The following TIMM17A variants were observed in gnomAD, a reference collection of about 807,000 sequenced individuals.
TIMM17A encodes the protein mitochondrial import inner membrane translocase subunit Tim17-A.
In TIMM17A, 15 loss-of-function variants were observed where a neutral mutation model predicts 26.5. The ratio of observed to expected loss-of-function variants is 0.57; its 90% CI spans 0.38 to 0.87. The LOEUF is 0.87. Among genes scored for constraint, TIMM17A ranks in the 40% least tolerant of loss-of-function variants. The pLI is 0.00. For synonymous variants in TIMM17A, 80 were observed against 70.8 expected (o/e 1.13, Z -0.66); for missense variants, 201 against 210.0 (o/e 0.96, Z 0.27).
intron 1 of TIMM17A, 122 bp from the exon 2 acceptor site, chr1:201,957,159 T>A: frequency 4.7e-6 from 3 of 636,446 alleles, no homozygotes; most frequent in Non-Finnish European, 5.6e-6. Context: ...AGGCCAAATA[T>A]TTATTGGTTG....
chr1:201,956,219 C>G (rs1682406589), intron 1 of TIMM17A, among the ~76,000 whole-genome samples: 1 of 152,104 alleles, frequency 6.6e-6, no homozygotes, highest in Non-Finnish European at 1.5e-5. Flanking sequence ...TTACATCCAG[C>G]GTTTATTGAG....
chr1:201,969,395 T>C, intron 5 of TIMM17A, 74 bp from the exon 6 acceptor site: 1 of 1,190,356 alleles, frequency 8.4e-7, no homozygotes, highest in Non-Finnish European at 1.2e-6. Flanking sequence ...TGATTTACTC[T>C]CTATAGAGAT....
intron 5 of TIMM17A, among the ~76,000 whole-genome samples, chr1:201,967,082 G>A (rs1349380344): frequency 3.4e-5 from 5 of 149,110 alleles, no homozygotes; most frequent in African/African-American, 4.9e-5. Context: ...AAAAAAATAC[G>A]TAGAATAGTG....
intron 3 of TIMM17A, chr1:201,962,854 T>G (rs1022379872): frequency 6.6e-6 from 1 of 152,222 alleles, no homozygotes; most frequent in Non-Finnish European, 1.5e-5. Context: ...GGATTTCTTT[T>G]GTTTTCCCAT....
intron 5 of TIMM17A, among the ~76,000 whole-genome samples, chr1:201,965,847 A>T (rs1682615646): frequency 6.6e-6 from 1 of 152,256 alleles, no homozygotes; most frequent in Non-Finnish European, 1.5e-5. Flanking sequence ...TATAACAATC[A>T]TGATGGTCAA....
chr1:201,959,455 A>G (rs1470987043), intron 3 of TIMM17A, among the ~76,000 whole-genome samples: 1 of 152,022 alleles, frequency 6.6e-6, no homozygotes, highest in African/African-American at 2.4e-5. Context: ...GGAGTTTGAG[A>G]CCAGCCTGGC....
At position 201,970,425 on chromosome 1, in the gene TIMM17A, G is replaced by C. The variant is rs1382002613; in HGVS notation, c.*871G>C. 1 of 152,176 alleles carries C rather than the reference G, an allele frequency of 6.6e-6. No individual in the cohort carries two copies. The highest frequency in any genetic ancestry group is 2.4e-5 in the African/African-American group (1 of 41,458). 9.4% of individuals were successfully genotyped at this position (152,176 alleles called of 1,614,324 possible). A position where few individuals can be genotyped will look rare whatever the true frequency, so the allele number is the denominator to read the frequency against. On this transcript the variant is annotated 3_prime_UTR_variant, in exon 6 of 6. Coordinates refer to ENST00000367287, the MANE Select transcript of TIMM17A (RefSeq NM_006335.3). ...GAAAATGGATGAGCACTTCAGAACA[G>C]GTCATTTTCCTGATATTGGAAGTGA... is the stretch of plus-strand genomic sequence containing the variant.
chr1:201,961,620 G>A (rs1682533173), intron 3 of TIMM17A, among the ~76,000 whole-genome samples: 1 of 152,086 alleles, frequency 6.6e-6, no homozygotes, highest in African/African-American at 2.4e-5. Flanking sequence ...GGGAGGCCAA[G>A]GCAGGAGAAT....
rs375204630 is a variant in TIMM17A at position 201,957,267 on chromosome 1, C to G, written c.27-14C>G. The G allele has an allele frequency of 1.4e-6, 2 of 1,462,690 alleles. No individual in the cohort carries two copies. Among genetic ancestry groups the G allele is most frequent in the African/African-American group, 2.8e-5 (2 of 70,224 alleles). The allele number at this position is 1,462,690 out of a possible 1,614,324, so 90.6% of individuals were successfully genotyped here. A position where few individuals can be genotyped will look rare whatever the true frequency, so the allele number is the denominator to read the frequency against. On this transcript the variant is annotated splice_polypyrimidine_tract_variant and intron_variant, in intron 1 of 5. Coordinates refer to ENST00000367287, the MANE Select transcript of TIMM17A (RefSeq NM_006335.3). The stretch of plus-strand genomic sequence containing the variant: ...GAATGAGAAATATGGTCTTTTTTTT[C>G]CCCCTGTTCTTAGCCCATGGCGAAT...
In TIMM17A at chr1:201,969,717, G is replaced by C; in HGVS notation, c.*163G>C. 1.9e-6 allele frequency: 1 copy of C among 534,390 alleles called. No individual in the cohort carries two copies. The highest frequency in any genetic ancestry group is 3.3e-6 in the Non-Finnish European group (1 of 300,686). 33.1% of individuals were successfully genotyped at this position (534,390 alleles called of 1,614,324 possible). A position where few individuals can be genotyped will look rare whatever the true frequency, so the allele number is the denominator to read the frequency against. On this transcript the variant is annotated 3_prime_UTR_variant, in exon 6 of 6. Transcript: ENST00000367287. ...TTTTCTATTTAAAGGAACAAGCGGG[G>C]AAGGGTGCTAAAAGATAATACGTTT...
chr1:201,958,948 T>C (rs890396743), intron 3 of TIMM17A, among the ~76,000 whole-genome samples: 2 of 152,204 alleles, frequency 1.3e-5, no homozygotes, highest in Non-Finnish European at 1.5e-5. Flanking sequence ...TGTGTAAGAA[T>C]TATCTACCCT....
At chr1:201,960,669 G>A (rs1408991500) in intron 3 of TIMM17A, among the ~76,000 whole-genome samples, 1 of 152,078 alleles carries the variant, frequency 6.6e-6, no homozygotes, top group Non-Finnish European at 1.5e-5. Context: ...TATTAATTTG[G>A]TGAGCATTTG....
chr1:201,964,635 C>CTTTTTTTTTTTTATTTTTTTT, intron 4 of TIMM17A, among the ~76,000 whole-genome samples: 1 of 90,954 alleles, frequency 1.1e-5, no homozygotes, highest in Non-Finnish European at 2.0e-5. Context: ...TATTTTATTT[C>CTTTTTTTTTTTTATTTTTTTT]TTTTTTTTTT....
At position 201,970,442 on chromosome 1, in the gene TIMM17A, T is replaced by G. The variant is rs186057725; in HGVS notation, c.*888T>G. The G allele has an allele frequency of 6.6e-6, 1 of 152,302 alleles. No individual in the cohort carries two copies. The highest frequency in any genetic ancestry group is 1.9e-4 in the East Asian group (1 of 5,182). The allele number at this position is 152,302 out of a possible 1,614,324, so 9.4% of individuals were successfully genotyped here. ...TCAGAACAGGTCATTTTCCTGATAT[T>G]GGAAGTGACATGTGGCCCTATAGGA... On this transcript the variant is annotated 3_prime_UTR_variant, in exon 6 of 6. Coordinates refer to ENST00000367287, the MANE Select transcript of TIMM17A (RefSeq NM_006335.3).
chr1:201,967,460 A>G (rs1682654683), intron 5 of TIMM17A, among the ~76,000 whole-genome samples: 1 of 152,116 alleles, frequency 6.6e-6, no homozygotes, highest in Non-Finnish European at 1.5e-5. Context: ...ACATTGTCTC[A>G]TAGAAATTAG....
intron 3 of TIMM17A, 122 bp from the exon 4 acceptor site, chr1:201,963,494 T>C: frequency 1.1e-6 from 1 of 929,358 alleles, no homozygotes; most frequent in Non-Finnish European, 1.6e-6. Flanking sequence ...AACTTGTGTT[T>C]GCATGTATTT....
At chr1:201,967,752 T>A (rs1385912908) in intron 5 of TIMM17A, among the ~76,000 whole-genome samples, 1 of 151,544 alleles carries the variant, frequency 6.6e-6, no homozygotes, top group Non-Finnish European at 1.5e-5. Flanking sequence ...CCCAGGCTGA[T>A]CCTAAACTCC....
In TIMM17A at chr1:201,964,635, C is replaced by CTTTT. The variant is rs570309464; in HGVS notation, c.320-770_320-767dup. On this transcript the variant is annotated intron_variant, in intron 4 of 5. Coordinates refer to ENST00000367287, the MANE Select transcript of TIMM17A (RefSeq NM_006335.3). ...TTTATTTATTTATTTTATTTTATTT[C>CTTTT]TTTTTTTTTTTTTTTTTTTTTTTTT... Among the ~76,000 whole-genome samples, 277 of 90,882 alleles carry CTTTT rather than the reference C, an allele frequency of 3.0e-3. 24 individuals carry two copies. The highest frequency in any genetic ancestry group is 3.3e-3 in the Non-Finnish European group (169 of 50,872). The allele number at this position is 90,882 out of a possible 152,430, so 59.6% of individuals were successfully genotyped here. A position where few individuals can be genotyped will look rare whatever the true frequency, so the allele number is the denominator to read the frequency against.
At position 201,955,568 on chromosome 1, in the gene TIMM17A, G is replaced by T; in HGVS notation, c.26+16G>T. The stretch of plus-strand genomic sequence containing the variant: ...GAGAGCCTTGGTGAGCTTCACCGCT[G>T]TCTTTGCATTTCTCTTGCCCCCCTG... On this transcript the variant is annotated intron_variant, in intron 1 of 5. Transcript: ENST00000367287. The T allele has an allele frequency of 1.2e-6, 2 of 1,614,250 alleles. No individual in the cohort carries two copies. Among genetic ancestry groups the T allele is most frequent in the Non-Finnish European group, 1.7e-6 (2 of 1,180,048 alleles).
Sources: gnomAD v4.1 joint callset for allele counts (sites outside exome capture counted in the v4.1 genomes callset) on GRCh38, gnomAD v4.1.1 for gene constraint, MANE v1.5 for transcripts, NCBI Gene and HGNC (gene_info 2026-07-23, HGNC 2026-07-21) for gene names.